FNDC3A: variants seen among roughly 807,000 people sequenced by gnomAD.
The protein encoded by FNDC3A is fibronectin type III domain containing 3A, also known as fibronectin type-III domain-containing protein 3A.
Under a neutral mutation model 148.9 loss-of-function variants are expected in FNDC3A, and 32 were observed. The ratio of observed to expected loss-of-function variants is 0.21; its 90% CI spans 0.16 to 0.29. FNDC3A has a LOEUF of 0.29. FNDC3A is among the 10% of genes least tolerant of loss of function. FNDC3A has a pLI of 1.00. For missense variants in FNDC3A, 1,191 were observed against 1,452.8 expected (o/e 0.82, Z 2.93); for synonymous variants, 472 against 473.6 (o/e 1.00, Z 0.04).
chr13:49,073,661 G>GTATA (rs1383958757), intron 2 of FNDC3A, among the ~76,000 whole-genome samples: 2 of 145,594 alleles, frequency 1.4e-5, no homozygotes, highest in African/African-American at 5.0e-5. Context: ...CATTTCATAT[G>GTATA]TATATATATA....
intron 2 of FNDC3A, among the ~76,000 whole-genome samples, chr13:49,043,318 A>G (rs1875097556): frequency 6.6e-6 from 1 of 152,152 alleles, no homozygotes; most frequent in Admixed American, 6.5e-5. Flanking sequence ...ACTTTTGTGT[A>G]CATTGAAGAC....
chr13:49,197,892 C>T lies in FNDC3A; in HGVS notation c.2490+18C>T. On this transcript the variant is annotated intron_variant, in intron 21 of 25. Coordinates refer to ENST00000492622, the MANE Select transcript of FNDC3A (RefSeq NM_001079673.2). ...GGGTCCAGGTAAAGATGATCAGTACCTTGTCACTTAACTCTATCCAGAGTT... is the reference window on the plus strand; with the variant it reads ...GGGTCCAGGTAAAGATGATCAGTACTTTGTCACTTAACTCTATCCAGAGTT... 2 of 1,594,116 alleles carry T rather than the reference C, an allele frequency of 1.3e-6. No individual in the cohort carries two copies. The highest frequency in any genetic ancestry group is 2.2e-5 in the East Asian group (1 of 44,808).
At chr13:49,196,045 G>T (rs1163278783) in intron 19 of FNDC3A, among the ~76,000 whole-genome samples, 3 of 139,848 alleles carry the variant, frequency 2.1e-5, no homozygotes, top group Non-Finnish European at 4.5e-5. Flanking sequence ...CTGCACTCCT[G>T]CAGTCTAGGT....
rs182937280 is a variant in FNDC3A at position 49,061,203 on chromosome 13, G to A, written c.100-14086G>A. On this transcript the variant is annotated intron_variant, in intron 2 of 25. Coordinates refer to ENST00000492622, the MANE Select transcript of FNDC3A (RefSeq NM_001079673.2). ...TAACTCACTGCAGCCTCAAACTCCC[G>A]GACTCAAGTAATCCCACTCTCCCAG... is the stretch of plus-strand genomic sequence containing the variant. Among the ~76,000 whole-genome samples, 15 of 151,636 alleles carry A rather than the reference G, an allele frequency of 9.9e-5. No individual in the cohort carries two copies. The East Asian group carries it at 1.8e-3, about 18-fold the overall frequency.
chr13:49,160,771 C>G (rs1200786608), intron 8 of FNDC3A, among the ~76,000 whole-genome samples: 1 of 151,248 alleles, frequency 6.6e-6, no homozygotes, highest in South Asian at 2.1e-4. Flanking sequence ...CTATAAATTT[C>G]CCTCTACACA....
chr13:49,142,049 G>T (rs972420414), intron 7 of FNDC3A, among the ~76,000 whole-genome samples: 9 of 152,156 alleles, frequency 5.9e-5, no homozygotes, highest in Admixed American at 4.6e-4. Flanking sequence ...GGTGGTAGTT[G>T]TAAGAATCAA....
chr13:48,985,214 A>T (rs1392142698), intron 1 of FNDC3A, among the ~76,000 whole-genome samples: 1 of 152,228 alleles, frequency 6.6e-6, no homozygotes, highest in African/African-American at 2.4e-5. Flanking sequence ...AGATAACCTG[A>T]TAGAAAATGG....
At chr13:49,032,874 A>T (rs537134026) in intron 2 of FNDC3A, among the ~76,000 whole-genome samples, 1 of 152,172 alleles carries the variant, frequency 6.6e-6, no homozygotes, top group Non-Finnish European at 1.5e-5. Context: ...ATTTTATTGC[A>T]TATAGATTAT....
intron 14 of FNDC3A, among the ~76,000 whole-genome samples, chr13:49,180,451 T>G (rs931632731): frequency 2.6e-5 from 4 of 152,210 alleles, no homozygotes; most frequent in Admixed American, 2.6e-4. Context: ...CTATGTCAAT[T>G]TAATTTCTAA....
At chr13:49,199,437 C>T (rs1177520653) in intron 23 of FNDC3A, among the ~76,000 whole-genome samples, 1 of 151,878 alleles carries the variant, frequency 6.6e-6, no homozygotes, top group African/African-American at 2.4e-5. Context: ...AAACAATTCC[C>T]CTGCCTCAGC....
intron 7 of FNDC3A, among the ~76,000 whole-genome samples, chr13:49,141,845 T>C (rs901222916): frequency 6.6e-6 from 1 of 152,162 alleles, no homozygotes; most frequent in Admixed American, 6.5e-5. Flanking sequence ...CTTAGACAGA[T>C]TTTTACACAA....
At chr13:49,107,510 C>T (rs576027408) in intron 3 of FNDC3A, among the ~76,000 whole-genome samples, 19 of 152,032 alleles carry the variant, frequency 1.2e-4, no homozygotes, top group African/African-American at 4.6e-4. Context: ...GAAGCCAAGT[C>T]CAAGTGGAGG....
intron 6 of FNDC3A, among the ~76,000 whole-genome samples, chr13:49,137,971 C>G (rs763168255): frequency 1.3e-5 from 2 of 152,114 alleles, no homozygotes; most frequent in Non-Finnish European, 2.9e-5. Context: ...TTCACAAGCA[C>G]CAATAACCAC....
At chr13:49,007,114 G>A (rs945431285) in intron 2 of FNDC3A, among the ~76,000 whole-genome samples, 1 of 152,056 alleles carries the variant, frequency 6.6e-6, no homozygotes, top group Non-Finnish European at 1.5e-5. Context: ...ATCACACAAA[G>A]CTTGTGCTCC....
chr13:49,104,258 G>C (rs751040297), intron 3 of FNDC3A, among the ~76,000 whole-genome samples: 3 of 152,154 alleles, frequency 2.0e-5, no homozygotes, highest in Non-Finnish European at 4.4e-5. Context: ...CGGGCGCAGT[G>C]GCTCATGCCT....
intron 2 of FNDC3A, among the ~76,000 whole-genome samples, chr13:49,014,668 T>C (rs1330648831): frequency 6.8e-6 from 1 of 147,238 alleles, no homozygotes; most frequent in African/African-American, 2.5e-5. Flanking sequence ...CATGAAGTCC[T>C]TGCCCATGCC....
At chr13:49,110,417 C>T (rs779481563) in intron 3 of FNDC3A, 2 of 1,544,918 alleles carry the variant, frequency 1.3e-6, no homozygotes, top group East Asian at 2.2e-5. Context: ...GTAAGATTTG[C>T]TGTTTTCGAA....
intron 2 of FNDC3A, among the ~76,000 whole-genome samples, chr13:49,033,797 T>A (rs537524167): frequency 9.9e-5 from 15 of 152,170 alleles, no homozygotes; most frequent in South Asian, 4.1e-4. Context: ...ATGTTACTGT[T>A]TTTTAATGTA....
chr13:49,111,546 T>C (rs546040343), intron 3 of FNDC3A, among the ~76,000 whole-genome samples: 2 of 151,986 alleles, frequency 1.3e-5, no homozygotes, highest in Admixed American at 1.3e-4. Context: ...GCCAACATGG[T>C]GAAACCCCGT....
Sources: gnomAD v4.1 joint callset for allele counts (sites outside exome capture counted in the v4.1 genomes callset) on GRCh38, gnomAD v4.1.1 for gene constraint, MANE v1.5 for transcripts, NCBI Gene and HGNC (gene_info 2026-07-23, HGNC 2026-07-21) for gene names.